Variants in SHC3 observed in about 807,000 individuals in gnomAD.
SHC3 encodes the protein SHC adaptor protein 3, also known as SHC-transforming protein 3.
SHC3 carries 15 observed loss-of-function variants against 60.4 expected under a neutral mutation model. That is an observed-to-expected ratio of 0.25 (90% CI 0.17 to 0.38). SHC3 has a LOEUF of 0.38. SHC3 is among the 10% of genes least tolerant of loss of function. The pLI is 1.00. For synonymous variants in SHC3, 294 were observed against 325.9 expected, an observed-to-expected ratio of 0.90 and a Z score of 1.05; for missense variants, 677 against 786.1, an observed-to-expected ratio of 0.86 and a Z score of 1.66.
At chr9:89,158,510 T>C (rs1425549110) in intron 1 of SHC3, among the ~76,000 whole-genome samples, 1 of 152,206 alleles carries the variant, frequency 6.6e-6, no homozygotes, top group Non-Finnish European at 1.5e-5. Context: ...TGTGGAAGGC[T>C]CTATGTATGT....
At chr9:89,069,697 G>A (rs1021637558) in intron 5 of SHC3, among the ~76,000 whole-genome samples, 7 of 152,234 alleles carry the variant, frequency 4.6e-5, no homozygotes, top group Non-Finnish European at 8.8e-5. Context: ...GCCTCTCCAC[G>A]GCAGCTCGTG....
At chr9:89,133,244 T>A (rs1226479018) in intron 1 of SHC3, among the ~76,000 whole-genome samples, 1 of 152,124 alleles carries the variant, frequency 6.6e-6, no homozygotes. Context: ...TGGCGATCAT[T>A]AAAAAGTCAG....
chr9:89,027,327 ATT>A (rs540788767), intron 11 of SHC3, among the ~76,000 whole-genome samples: 1 of 130,348 alleles, frequency 7.7e-6, no homozygotes, highest in Non-Finnish European at 1.6e-5. Context: ...TGAAATTCTG[ATT>A]TTTTTTTTTT....
In SHC3 at chr9:89,099,174, T is replaced by C. The variant is rs960103254; in HGVS notation, c.545+13382A>G. ...TAGATTATATTTTATGTTTCACAAG[T>C]AAAGAAAAAATATAGCCAATAAGAT... is the stretch of plus-strand genomic sequence containing the variant. On this transcript the variant is annotated intron_variant, in intron 2 of 11. Coordinates refer to ENST00000375835, the MANE Select transcript of SHC3 (RefSeq NM_016848.6). Among the ~76,000 whole-genome samples, 7 of 152,186 alleles carry C rather than the reference T, an allele frequency of 4.6e-5. No individual in the cohort carries two copies. In the East Asian group the frequency reaches 1.3e-3, roughly 29 times the overall value.
rs1208942107 is a variant in SHC3 at position 89,021,936 on chromosome 9, C to T, written c.1657-8361G>A. ...CCTGGGGGCTTCCAGAGCAAGACTACGGGGTGGTCTTTCCCACTCAGAACT... is the reference window on the plus strand; with the variant it reads ...CCTGGGGGCTTCCAGAGCAAGACTATGGGGTGGTCTTTCCCACTCAGAACT... On this transcript the variant is annotated intron_variant, in intron 11 of 11. Coordinates refer to ENST00000375835, the MANE Select transcript of SHC3 (RefSeq NM_016848.6). Among the ~76,000 whole-genome samples the T allele has an allele frequency of 6.6e-5, 10 of 152,262 alleles. No homozygotes were observed. The East Asian group carries it at 7.7e-4, about 12-fold the overall frequency.
rs531269753 is a variant in SHC3 at position 89,172,874 on chromosome 9, G to A, written c.474+5113C>T. 6.6e-5 allele frequency among the ~76,000 whole-genome samples: 10 copies of A among 152,150 alleles called. No homozygotes were observed. In the East Asian group the frequency reaches 1.5e-3, roughly 24 times the overall value. On this transcript the variant is annotated intron_variant, in intron 1 of 11. Coordinates refer to ENST00000375835, the MANE Select transcript of SHC3 (RefSeq NM_016848.6). ...TGGCTCTTCCTTGTTGCTTTCCTCTGAGCCCCACCATGGACTTGGATCCTT... is the reference window on the plus strand; with the variant it reads ...TGGCTCTTCCTTGTTGCTTTCCTCTAAGCCCCACCATGGACTTGGATCCTT...
At chr9:89,123,009 G>A (rs1274806751) in intron 1 of SHC3, among the ~76,000 whole-genome samples, 1 of 152,176 alleles carries the variant, frequency 6.6e-6, no homozygotes, top group East Asian at 1.9e-4. Flanking sequence ...ATGCTTTTAT[G>A]GGATTGCTAA....
At chr9:89,172,885 T>C (rs958305906) in intron 1 of SHC3, among the ~76,000 whole-genome samples, 1 of 152,194 alleles carries the variant, frequency 6.6e-6, no homozygotes, top group African/African-American at 2.4e-5. Flanking sequence ...AGCCCCACCA[T>C]GGACTTGGAT....
chr9:89,109,958 C>T (rs944810944), intron 2 of SHC3: 14 of 985,290 alleles, frequency 1.4e-5, no homozygotes, highest in Non-Finnish European at 1.7e-5. Flanking sequence ...TTCATTTATA[C>T]CTATGCCTCA....
intron 2 of SHC3, among the ~76,000 whole-genome samples, chr9:89,091,145 T>G (rs897533663): frequency 1.3e-5 from 2 of 152,242 alleles, no homozygotes; most frequent in Non-Finnish European, 2.9e-5. Context: ...TCATCCTAAT[T>G]GATATCTTTT....
At chr9:89,018,240 C>G (rs952627656) in intron 11 of SHC3, among the ~76,000 whole-genome samples, 1 of 152,162 alleles carries the variant, frequency 6.6e-6, no homozygotes, top group Non-Finnish European at 1.5e-5. Flanking sequence ...TGGAACCAAC[C>G]CAAATGCTCA....
intron 2 of SHC3, among the ~76,000 whole-genome samples, chr9:89,082,274 T>C (rs1587716512): frequency 6.6e-6 from 1 of 151,808 alleles, no homozygotes; most frequent in South Asian, 2.1e-4. Context: ...ACACACCCGC[T>C]CCCTCCCAGC....
chr9:89,105,150 C>T (rs1825839571), intron 2 of SHC3, among the ~76,000 whole-genome samples: 1 of 152,132 alleles, frequency 6.6e-6, no homozygotes, highest in Non-Finnish European at 1.5e-5. Flanking sequence ...TCAGCAAATC[C>T]ATCTTGATGG....
At chr9:89,035,322 A>C (rs1824553793) in intron 11 of SHC3, among the ~76,000 whole-genome samples, 1 of 152,206 alleles carries the variant, frequency 6.6e-6, no homozygotes, top group African/African-American at 2.4e-5. Context: ...TTGAAATCCC[A>C]GCATGTATTG....
At chr9:89,021,567 G>A (rs970110483) in intron 11 of SHC3, among the ~76,000 whole-genome samples, 13 of 152,172 alleles carry the variant, frequency 8.5e-5, no homozygotes, top group African/African-American at 3.1e-4. Flanking sequence ...AGAGAGAGAA[G>A]GAAGTACCGC....
intron 1 of SHC3, among the ~76,000 whole-genome samples, chr9:89,130,419 T>C (rs143914464): frequency 3.3e-5 from 5 of 152,292 alleles, no homozygotes; most frequent in Non-Finnish European, 7.3e-5. Flanking sequence ...GTGGATGTAA[T>C]AGACATCTAC....
intron 3 of SHC3, among the ~76,000 whole-genome samples, chr9:89,076,018 C>T (rs1313773496): frequency 6.6e-6 from 1 of 152,124 alleles, no homozygotes; most frequent in Non-Finnish European, 1.5e-5. Flanking sequence ...TAACCAGGTG[C>T]ACACCCTTTT....
chr9:89,041,705 C>G (rs1184115174), intron 10 of SHC3, among the ~76,000 whole-genome samples: 8 of 152,206 alleles, frequency 5.3e-5, no homozygotes, highest in Admixed American at 1.3e-4. Context: ...AATACAGTAG[C>G]TGGCACATAA....
intron 4 of SHC3, among the ~76,000 whole-genome samples, chr9:89,074,711 A>AAAAAAAAAAC (rs1825327812): frequency 6.6e-6 from 1 of 151,624 alleles, no homozygotes; most frequent in African/African-American, 2.4e-5. Flanking sequence ...AAAAAAAAAA[A>AAAAAAAAAAC]AAAAATCACC....
Sources: gnomAD v4.1 joint callset for allele counts (sites outside exome capture counted in the v4.1 genomes callset) on GRCh38, gnomAD v4.1.1 for gene constraint, MANE v1.5 for transcripts, NCBI Gene and HGNC (gene_info 2026-07-23, HGNC 2026-07-21) for gene names.